The following WIPF3 variants were observed in gnomAD, a reference collection of about 807,000 sequenced individuals.
WIPF3 encodes the protein WAS/WASL interacting protein family member 3, also known as WAS/WASL-interacting protein family member 3.
Under a neutral mutation model 38.9 loss-of-function variants are expected in WIPF3, and 33 were observed. The ratio of observed to expected loss-of-function variants is 0.85; its 90% CI spans 0.64 to 1.14. WIPF3 has a LOEUF of 1.14. Ranked by LOEUF, WIPF3 falls within the 50% of genes most tolerant of loss-of-function variation. The pLI, the probability that WIPF3 is intolerant of heterozygous loss-of-function variation, is 0.00. For synonymous variants in WIPF3, 324 were observed against 269.3 expected (o/e 1.20, Z -1.99); for missense variants, 711 against 652.5 (o/e 1.09, Z -0.98).
chr7:29,808,607 T>G (rs547821673), intron 1 of WIPF3, among the ~76,000 whole-genome samples: 8 of 152,182 alleles, frequency 5.3e-5, no homozygotes, highest in African/African-American at 1.9e-4. Context: ...TTTTGTTCCT[T>G]TAGGAGTCTC....
chr7:29,813,166 C>G (rs1295509589), intron 1 of WIPF3, among the ~76,000 whole-genome samples: 2 of 152,170 alleles, frequency 1.3e-5, no homozygotes, highest in African/African-American at 4.8e-5. Flanking sequence ...ATCTGATTTC[C>G]TCCTTGGCTC....
intron 1 of WIPF3, among the ~76,000 whole-genome samples, chr7:29,827,514 G>T (rs915482017): frequency 2.0e-5 from 3 of 152,248 alleles, no homozygotes; most frequent in Non-Finnish European, 4.4e-5. Flanking sequence ...CTTGTGGGCT[G>T]CTATCTCCTG....
In WIPF3 at chr7:29,870,199, G is replaced by C. The variant is rs76447098; in HGVS notation, c.91-5631G>C. ...CACCAGCATGGAAGGCTCAAGGAGT[G>C]GAAAGTCTGGGCTGGTCACTAAGGG... On this transcript the variant is annotated intron_variant, in intron 2 of 8. Coordinates refer to ENST00000242140, the MANE Select transcript of WIPF3 (RefSeq NM_001080529.3). Among the ~76,000 whole-genome samples, 178 of 152,254 alleles carry C rather than the reference G, an allele frequency of 1.2e-3. 4 individuals carry two copies. The East Asian group carries it at 0.026, about 22-fold the overall frequency.
intron 2 of WIPF3, 34 bp from the exon 3 acceptor site, chr7:29,875,796 C>G (rs1785579726): frequency 6.3e-7 from 1 of 1,598,582 alleles, no homozygotes; most frequent in African/African-American, 1.3e-5. Context: ...TCTGAAAATG[C>G]TACTATAGTC....
At chr7:29,834,203 G>C (rs568822793) in intron 1 of WIPF3, among the ~76,000 whole-genome samples, 30 of 152,300 alleles carry the variant, frequency 2.0e-4, no homozygotes, top group Admixed American at 1.0e-3. Flanking sequence ...GGCATCATGA[G>C]TTCATGTTGA....
chr7:29,909,161 G>A (rs1786458262), intron 8 of WIPF3, among the ~76,000 whole-genome samples: 1 of 152,034 alleles, frequency 6.6e-6, no homozygotes, highest in East Asian at 1.9e-4. Context: ...CTAAGAGGGA[G>A]ATTTATAGCT....
At chr7:29,909,280 G>A (rs948438618) in intron 8 of WIPF3, among the ~76,000 whole-genome samples, 1 of 151,562 alleles carries the variant, frequency 6.6e-6, no homozygotes, top group Non-Finnish European at 1.5e-5. Flanking sequence ...TAGCAAGAAG[G>A]AAGGAAATGA....
intron 8 of WIPF3, among the ~76,000 whole-genome samples, chr7:29,906,918 G>C (rs1583631183): frequency 6.6e-6 from 1 of 152,102 alleles, no homozygotes; most frequent in African/African-American, 2.4e-5. Context: ...TTTTCTACCT[G>C]GCAAAACCAT....
At chr7:29,811,254 T>TATG (rs60111327) in intron 1 of WIPF3, among the ~76,000 whole-genome samples, 71,935 of 148,874 alleles carry the variant, frequency 0.48, 17,557 homozygotes, top group Middle Eastern at 0.59. Flanking sequence ...AATTAGCCAT[T>TATG]ATGATGATGA....
chr7:29,820,824 C>T (rs979599608), intron 1 of WIPF3, among the ~76,000 whole-genome samples: 3 of 152,148 alleles, frequency 2.0e-5, no homozygotes, highest in African/African-American at 7.2e-5. Context: ...GATTTATTAA[C>T]TTTAAAGGTA....
intron 1 of WIPF3, among the ~76,000 whole-genome samples, chr7:29,824,645 T>C (rs576367246): frequency 6.6e-5 from 10 of 151,904 alleles, no homozygotes; most frequent in African/African-American, 2.2e-4. Flanking sequence ...GAGGATGAGA[T>C]GTGGAGTCTG....
chr7:29,884,009 C>T lies in WIPF3; in HGVS notation c.515C>T (p.Pro172Leu). 6.7e-7 allele frequency: 1 copy of T among 1,491,286 alleles called. No homozygotes were observed. The highest frequency in any genetic ancestry group is 1.3e-5 in the South Asian group (1 of 76,754). 92.4% of individuals were successfully genotyped at this position (1,491,286 alleles called of 1,614,324 possible). The stretch of plus-strand genomic sequence containing the variant: ...ACAGCCCCGCCTCGCCCCAACGTGC[C>T]TGCCCCGCCCCCTCCCACCCCACCC... ...ARTAPPRPNV[P>L]APPPPTPPPP... The change falls in exon 5 of 9, where the codon CCT becomes CTT. Residue 172 changes from proline to leucine, a missense_variant. Coordinates refer to ENST00000242140, the MANE Select transcript of WIPF3 (RefSeq NM_001080529.3).
rs549115393 is a variant in WIPF3 at position 29,846,591 on chromosome 7, CTCGGGAGGCT to C, written c.90+11778_90+11787del. 6.4e-3 allele frequency among the ~76,000 whole-genome samples: 971 copies of C among 152,322 alleles called. 6 individuals carry two copies. Among genetic ancestry groups the C allele is most frequent in the Non-Finnish European group, 0.011 (762 of 68,032 alleles). Reference sequence around the variant, plus strand: ...TGGCGTGCGCCTGTAATCCCAGCTACTCGGGAGGCTGAGGCAGGAGAATCGCTTGAACCTG... The same window carrying C: ...TGGCGTGCGCCTGTAATCCCAGCTACGAGGCAGGAGAATCGCTTGAACCTG... On this transcript the variant is annotated intron_variant, in intron 2 of 8. Transcript: ENST00000242140.
chr7:29,901,839 AAAAAAAAAAAG>A (rs1414531088), intron 7 of WIPF3, among the ~76,000 whole-genome samples: 2 of 146,246 alleles, frequency 1.4e-5, no homozygotes, highest in Non-Finnish European at 3.0e-5. Context: ...AAAAAAAAAA[AAAAAAAAAAAG>A]AAAGAAAGAA....
In WIPF3 at chr7:29,884,143, C is replaced by T. The variant is rs780259388; in HGVS notation, c.649C>T (p.Pro217Ser). 289 of 1,524,316 alleles carry T rather than the reference C, an allele frequency of 1.9e-4. No homozygotes were observed. The highest frequency in any genetic ancestry group is 2.4e-4 in the Non-Finnish European group (272 of 1,133,516). 94.4% of individuals were successfully genotyped at this position (1,524,316 alleles called of 1,614,324 possible). A position where few individuals can be genotyped will look rare whatever the true frequency, so the allele number is the denominator to read the frequency against. ...CAAAGGGAACCTCCCGGTGGTTGCA[C>T]CCCCCGTCCCCTGTGCGCCACCACC... ...LTKGNLPVVA[P>S]PVPCAPPPPP... Residue 217 changes from proline (P) to serine (S), a missense_variant, in exon 5 of 9, where the codon CCC (proline) becomes TCC (serine). Coordinates refer to ENST00000242140, the MANE Select transcript of WIPF3 (RefSeq NM_001080529.3).
At chr7:29,842,848 CT>C (rs1406757040) in intron 2 of WIPF3, among the ~76,000 whole-genome samples, 4 of 152,168 alleles carry the variant, frequency 2.6e-5, no homozygotes, top group Non-Finnish European at 5.9e-5. Flanking sequence ...ATTTGCATGT[CT>C]GCTGGTTCAT....
intron 2 of WIPF3, among the ~76,000 whole-genome samples, chr7:29,873,900 G>A (rs769248507): frequency 1.1e-4 from 16 of 152,184 alleles, no homozygotes; most frequent in Non-Finnish European, 2.4e-4. Flanking sequence ...TGACACCAGA[G>A]AGCCCATGAG....
Position 29,904,573 on chromosome 7 carries a change from G to A in WIPF3, c.1428+211G>A, listed in dbSNP as rs980676324. ...AGTGTGACAAAAGGGGGCTTCCCTGGAATCACCACTACATATAGAAGCAAG... is the reference window on the plus strand; with the variant it reads ...AGTGTGACAAAAGGGGGCTTCCCTGAAATCACCACTACATATAGAAGCAAG... On this transcript the variant is annotated intron_variant, in intron 8 of 8. Transcript: ENST00000242140. 1.0e-4 allele frequency: 57 copies of A among 543,316 alleles called. 1 individual carries two copies. Among genetic ancestry groups the A allele is most frequent in the Admixed American group, 2.6e-4 (8 of 30,190 alleles). The allele number at this position is 543,316 out of a possible 1,614,324, so 33.7% of individuals were successfully genotyped here.
At chr7:29,854,952 A>C (rs2128069458) in intron 2 of WIPF3, among the ~76,000 whole-genome samples, 1 of 152,324 alleles carries the variant, frequency 6.6e-6, no homozygotes, top group African/African-American at 2.4e-5. Flanking sequence ...TTGACCTTCT[A>C]ACCTCCAGGA....
Sources: gnomAD v4.1 joint callset for allele counts (sites outside exome capture counted in the v4.1 genomes callset) on GRCh38, gnomAD v4.1.1 for gene constraint, MANE v1.5 for transcripts, NCBI Gene and HGNC (gene_info 2026-07-23, HGNC 2026-07-21) for gene names.